The following CYP11B2 variants were observed in gnomAD, a reference collection of about 807,000 sequenced individuals.
The protein encoded by CYP11B2 is cytochrome P450 family 11 subfamily B member 2.
A neutral mutation model predicts 49.3 loss-of-function variants in CYP11B2; 38 were observed. That is an observed-to-expected ratio of 0.77 (90% confidence interval 0.59 to 1.01). The LOEUF is 1.01. CYP11B2 is among the 50% of genes least tolerant of loss of function. The probability of loss-of-function intolerance (pLI) is 0.00; values close to 1 mark genes in which losing one functional copy is unlikely to be tolerated. For synonymous variants in CYP11B2, 290 were observed against 269.3 expected (o/e 1.08, Z -0.75); for missense variants, 669 against 655.5 (o/e 1.02, Z -0.23).
At chr8:142,915,676 C>G (rs1328506385) in intron 2 of CYP11B2, among the ~76,000 whole-genome samples, 1 of 130,806 alleles carries the variant, frequency 7.6e-6, no homozygotes, top group Non-Finnish European at 1.8e-5. Context: ...CTCCTCCCCA[C>G]CCTTCCCCGC....
At position 142,912,649 on chromosome 8, in the gene CYP11B2, G is replaced by A. The variant is rs773099261; in HGVS notation, c.1279C>T (p.Arg427Cys). ...FPRPERYNPQ[R>C]WLDIRGSGRN... The stretch of plus-strand genomic sequence containing the variant: ...CCGGAGCCCCTGATGTCTAGCCAGC[G>A]CTGGGGATTATACCGCTCAGGCCTC... The change falls in exon 8 of 9, where the codon CGC becomes TGC. Residue 427 changes from arginine to cysteine, a missense_variant. By Grantham distance (180) the Arg-to-Cys change is radical (BLOSUM62 -3). Transcript: ENST00000323110. 58 of 1,614,018 alleles carry A rather than the reference G, an allele frequency of 3.6e-5. No individual in the cohort carries two copies. The highest frequency in any genetic ancestry group is 3.0e-5 in the Non-Finnish European group (35 of 1,179,956).
At chr8:142,914,038 C>G (rs768489555) in intron 5 of CYP11B2, 21 of 663,066 alleles carry the variant, frequency 3.2e-5, no homozygotes, top group South Asian at 2.7e-4. Flanking sequence ...GCATGGATCC[C>G]CACACAGGTA....
rs5313 is a variant in CYP11B2, at chr8:142,912,837, C to A, written c.1170G>T (p.Leu390Phe). 1 of 1,613,534 alleles carries A rather than the reference C, an allele frequency of 6.2e-7. No homozygotes were observed. The highest frequency in any genetic ancestry group is 1.3e-5 in the African/African-American group (1 of 74,704). ...LFLERVVSSD[L>F]VLQNYHIPAG... ...CTGGGATGTGGTAGTTCTGAAGCAC[C>A]AAGTCTGAGCTCACCACTCGCTCCA... Residue 390 changes from leucine (L) to phenylalanine (F), a missense_variant, in exon 7 of 9, where the codon TTG becomes TTT. Coordinates refer to ENST00000323110, the MANE Select transcript of CYP11B2 (RefSeq NM_000498.3).
rs1168731808 is a variant in CYP11B2, at chr8:142,914,039, C to T, written c.954+225G>A. 4.5e-6 allele frequency: 3 copies of T among 664,808 alleles called. No homozygotes were observed. The African/African-American group carries it at 5.3e-5, about 12-fold the overall frequency. 41.2% of individuals were successfully genotyped at this position (664,808 alleles called of 1,614,324 possible). Reference sequence around the variant, plus strand: ...TCTTCCAGCCTGGAGCATGGATCCCCACACAGGTAACTGCAAACTCAGTCT... The same window carrying T: ...TCTTCCAGCCTGGAGCATGGATCCCTACACAGGTAACTGCAAACTCAGTCT... On this transcript the variant is annotated intron_variant, in intron 5 of 8. Transcript: ENST00000323110.
intron 1 of CYP11B2, 32 bp from the exon 2 acceptor site, chr8:142,917,246 G>C (rs13276226): frequency 3.2e-5 from 51 of 1,611,354 alleles, no homozygotes; most frequent in Non-Finnish European, 4.3e-5. Flanking sequence ...CCTGCTGGAC[G>C]GGGTCATGTC....
chr8:142,916,268 C>T (rs1225320049), intron 2 of CYP11B2: 2 of 387,924 alleles, frequency 5.2e-6, no homozygotes, highest in Non-Finnish European at 1.0e-5. Context: ...ATAGGCCAGC[C>T]TCAGTGAAGG....
chr8:142,913,989 G>A (rs1284881210), intron 5 of CYP11B2: 2 of 588,300 alleles, frequency 3.4e-6, no homozygotes, highest in Non-Finnish European at 3.2e-6. Context: ...CAGAGCTGCT[G>A]TGTGTCCAGG....
At chr8:142,914,149 G>T in intron 5 of CYP11B2, 115 bp downstream of exon 5, 1 of 1,207,818 alleles carries the variant, frequency 8.3e-7, no homozygotes, top group Non-Finnish European at 1.2e-6. Flanking sequence ...CAACAGAAAT[G>T]TGGGGCCTGT....
rs895083894 is a variant in CYP11B2, at chr8:142,914,192, G to T, written c.954+72C>A. The T allele has an allele frequency of 2.6e-6, 4 of 1,567,132 alleles. No homozygotes were observed. The African/African-American group carries it at 5.4e-5, about 21-fold the overall frequency. On this transcript the variant is annotated intron_variant, in intron 5 of 8. Coordinates refer to ENST00000323110, the MANE Select transcript of CYP11B2 (RefSeq NM_000498.3). ...GGATGGGGAACGTGGGTGCCGTGTG[G>T]CATTGGCAGGCAGTGCCTGGGAGGC...
At chr8:142,913,950 C>T in intron 5 of CYP11B2, 1 of 535,724 alleles carries the variant, frequency 1.9e-6, no homozygotes, top group South Asian at 1.5e-5. Flanking sequence ...CCTCCTTCTC[C>T]TTGTACACCC....
At chr8:142,912,931 C>T (rs771186154) in intron 6 of CYP11B2, 46 bp from the exon 7 acceptor site, 5 of 1,569,826 alleles carry the variant, frequency 3.2e-6, no homozygotes, top group Non-Finnish European at 3.5e-6. Context: ...CTGGATGGGG[C>T]TTCCTGTGCT....
chr8:142,916,999 C>A (rs1446572285), intron 2 of CYP11B2, 60 bp downstream of exon 2: 1 of 1,600,426 alleles, frequency 6.2e-7, no homozygotes, highest in Admixed American at 1.7e-5. Flanking sequence ...CTCTCGCCTC[C>A]CCCCTACACC....
intron 2 of CYP11B2, 61 bp downstream of exon 2, chr8:142,916,998 C>A (rs1379989059): frequency 6.3e-7 from 1 of 1,598,322 alleles, no homozygotes; most frequent in Non-Finnish European, 8.5e-7. Context: ...TCTCTCGCCT[C>A]CCCCCTACAC....
chr8:142,913,488 A>C (rs754192978), intron 5 of CYP11B2, 37 bp from the exon 6 acceptor site: 7 of 1,613,724 alleles, frequency 4.3e-6, no homozygotes, highest in Non-Finnish European at 5.9e-6. Context: ...GACCTTGCAC[A>C]GGAGGACTCA....
At chr8:142,914,944 C>T in intron 3 of CYP11B2, 36 bp from the exon 4 acceptor site, 1 of 1,610,220 alleles carries the variant, frequency 6.2e-7, no homozygotes, top group Non-Finnish European at 8.5e-7. Flanking sequence ...ACAAGGCAGC[C>T]CCAGGCCTCC....
At chr8:142,913,824 GC>G in intron 5 of CYP11B2, 1 of 454,412 alleles carries the variant, frequency 2.2e-6, no homozygotes, top group Non-Finnish European at 4.2e-6. Flanking sequence ...ACTGGCTGGA[GC>G]CTGTGCTGCT....
chr8:142,916,509 C>T lies in CYP11B2; in HGVS notation c.395+550G>A, dbSNP rs993342979. ...AAACATCCTCCCCAGTGCCATCAAC[C>T]GCCCCACCTTGTGCCTTGCTTCTGA... is the stretch of plus-strand genomic sequence containing the variant. On this transcript the variant is annotated intron_variant, in intron 2 of 8. Transcript: ENST00000323110. 81 of 440,560 alleles carry T rather than the reference C, an allele frequency of 1.8e-4. 1 individual carries two copies. Among genetic ancestry groups the T allele is most frequent in the East Asian group, 3.6e-4 (5 of 14,044 alleles). 27.3% of individuals were successfully genotyped at this position (440,560 alleles called of 1,614,324 possible). A position where few individuals can be genotyped will look rare whatever the true frequency, so the allele number is the denominator to read the frequency against.
chr8:142,910,935 GC>G lies in CYP11B2; in HGVS notation c.*1044del, dbSNP rs1817522170. On this transcript the variant is annotated 3_prime_UTR_variant, in exon 9 of 9. Coordinates refer to ENST00000323110, the MANE Select transcript of CYP11B2 (RefSeq NM_000498.3). The surrounding 1 kb of genome is among the most constrained non-coding windows in gnomAD (Gnocchi z 4.6). ...TGGCTGGGCACGTTCTCACCCTGGG[GC>G]ACTTCCTATCCCTGCACAGGAGCAC... The G allele has an allele frequency of 6.6e-6, 1 of 152,266 alleles. No individual in the cohort carries two copies. The highest frequency in any genetic ancestry group is 6.5e-5 in the Admixed American group (1 of 15,276). The allele number at this position is 152,266 out of a possible 1,614,324, so 9.4% of individuals were successfully genotyped here.
Position 142,911,773 on chromosome 8 carries a change from A to G in CYP11B2, c.*207T>C. Reference sequence around the variant, plus strand: ...GACAAGGCCAGGCCCTGCCAGCAAGATCGTCTCCAGCTGTGCCCTGGCCTT... The same window carrying G: ...GACAAGGCCAGGCCCTGCCAGCAAGGTCGTCTCCAGCTGTGCCCTGGCCTT... On this transcript the variant is annotated 3_prime_UTR_variant, in exon 9 of 9. Transcript: ENST00000323110. 1 of 698,874 alleles carries G rather than the reference A, an allele frequency of 1.4e-6. No homozygotes were observed. The highest frequency in any genetic ancestry group is 2.3e-6 in the Non-Finnish European group (1 of 430,992). The allele number at this position is 698,874 out of a possible 1,614,324, so 43.3% of individuals were successfully genotyped here.
Sources: allele counts gnomAD v4.1 joint callset (sites outside exome capture counted in the v4.1 genomes callset), GRCh38; gene constraint gnomAD v4.1.1; non-coding constraint Gnocchi (gnomAD v3.1); transcripts MANE v1.5; gene names NCBI Gene and HGNC (gene_info 2026-07-23, HGNC 2026-07-21).